NEDD4L: variants seen among roughly 807,000 people sequenced by gnomAD.
NEDD4L encodes the protein E3 ubiquitin-protein ligase NEDD4-like.
In NEDD4L, 54 loss-of-function variants were observed where a neutral mutation model predicts 148.9. That is an observed-to-expected ratio of 0.36 (90% CI 0.29 to 0.45). The LOEUF (loss-of-function observed/expected upper bound fraction) is 0.45. Ranked by LOEUF, NEDD4L falls within the 20% of genes least tolerant of loss-of-function variation. The pLI is 1.00. For missense variants in NEDD4L, 856 were observed against 1,233.8 expected, an observed-to-expected ratio of 0.69 and a Z score of 4.59; for synonymous variants, 433 against 440.7, an observed-to-expected ratio of 0.98 and a Z score of 0.22.
chr18:58,142,538 A>G (rs991763389), intron 1 of NEDD4L, among the ~76,000 whole-genome samples: 2 of 152,238 alleles, frequency 1.3e-5, no homozygotes, highest in African/African-American at 4.8e-5. Context: ...AACATGTTCC[A>G]GACCTCAGAG....
At chr18:58,134,041 C>T (rs1003437397) in intron 1 of NEDD4L, among the ~76,000 whole-genome samples, 1 of 152,150 alleles carries the variant, frequency 6.6e-6, no homozygotes, top group African/African-American at 2.4e-5. Context: ...TGTTCACTGG[C>T]CCAGGCTGGA....
At chr18:58,293,233 G>C (rs1019811205) in intron 5 of NEDD4L, among the ~76,000 whole-genome samples, 3 of 152,172 alleles carry the variant, frequency 2.0e-5, no homozygotes, top group Non-Finnish European at 4.4e-5. Context: ...TTCTTCAGGT[G>C]GGGGGATAAT....
intron 2 of NEDD4L, among the ~76,000 whole-genome samples, chr18:58,243,317 T>A (rs561334613): frequency 6.6e-6 from 1 of 152,342 alleles, no homozygotes; most frequent in East Asian, 1.9e-4. Context: ...GGTAACATGA[T>A]CATCAGGCCT....
At chr18:58,109,572 G>T (rs112867783) in intron 1 of NEDD4L, among the ~76,000 whole-genome samples, 29,104 of 117,528 alleles carry the variant, frequency 0.25, 4,065 homozygotes, top group African/African-American at 0.34. Flanking sequence ...TTTTTTTTTT[G>T]TTTTTTTTTT....
intron 2 of NEDD4L, among the ~76,000 whole-genome samples, chr18:58,203,102 G>C (rs1320798696): frequency 6.6e-6 from 1 of 151,950 alleles, no homozygotes; most frequent in Non-Finnish European, 1.5e-5. Flanking sequence ...TGAGTAGCTG[G>C]GACTACAGGC....
intron 1 of NEDD4L, among the ~76,000 whole-genome samples, chr18:58,075,301 C>T (rs1405995546): frequency 6.6e-6 from 1 of 152,196 alleles, no homozygotes; most frequent in East Asian, 1.9e-4. Context: ...CAGGCGCACA[C>T]CACCATGCCC....
chr18:58,314,488 A>G (rs2058055451), intron 5 of NEDD4L: 1 of 152,030 alleles, frequency 6.6e-6, no homozygotes, highest in Non-Finnish European at 1.5e-5. Flanking sequence ...TTCCTTGTGT[A>G]ACTGTCATTG....
intron 30 of NEDD4L, 103 bp downstream of exon 30, chr18:58,391,662 G>GC: frequency 3.9e-6 from 3 of 775,156 alleles, no homozygotes; most frequent in Non-Finnish European, 6.4e-6. Flanking sequence ...CTGTCTGTAA[G>GC]TAGCTTAGAG....
chr18:58,215,056 T>G (rs1351136044), intron 2 of NEDD4L, among the ~76,000 whole-genome samples: 2 of 152,074 alleles, frequency 1.3e-5, no homozygotes, highest in Non-Finnish European at 2.9e-5. Flanking sequence ...AAGTGATCCG[T>G]CTGCCTTGGC....
intron 22 of NEDD4L, among the ~76,000 whole-genome samples, chr18:58,368,987 CT>C (rs1325566410): frequency 6.6e-6 from 1 of 152,216 alleles, no homozygotes; most frequent in African/African-American, 2.4e-5. Flanking sequence ...TTAATACCCT[CT>C]CTAACAGGGG....
At chr18:58,277,358 A>T (rs2052284691) in intron 5 of NEDD4L, among the ~76,000 whole-genome samples, 1 of 152,194 alleles carries the variant, frequency 6.6e-6, no homozygotes, top group South Asian at 2.1e-4. Flanking sequence ...CTTGCATGTC[A>T]GGAGCTCTCT....
intron 9 of NEDD4L, 54 bp from the exon 10 acceptor site, chr18:58,328,941 G>C (rs753672218): frequency 4.0e-5 from 64 of 1,609,482 alleles, no homozygotes; most frequent in African/African-American, 6.7e-5. Flanking sequence ...TGTCATGAAG[G>C]GCCCGATCTC....
intron 5 of NEDD4L, among the ~76,000 whole-genome samples, chr18:58,305,371 A>G (rs2056942910): frequency 6.6e-6 from 1 of 152,188 alleles, no homozygotes. Context: ...TCACACCTAC[A>G]ACTGAGCCCC....
At chr18:58,356,056 G>A (rs111723037) in intron 18 of NEDD4L, among the ~76,000 whole-genome samples, 45 of 152,048 alleles carry the variant, frequency 3.0e-4, no homozygotes, top group African/African-American at 9.9e-4. Context: ...GGGCTCAAGC[G>A]ATCTTCCCAC....
At chr18:58,071,732 C>A (rs1023725284) in intron 1 of NEDD4L, among the ~76,000 whole-genome samples, 8 of 152,242 alleles carry the variant, frequency 5.3e-5, no homozygotes, top group African/African-American at 1.7e-4. Flanking sequence ...TACAGTTCCA[C>A]ATGGCTGGGG....
rs148273729 is a variant in NEDD4L at position 58,110,810 on chromosome 18, A to G, written c.49-54978A>G. Among the ~76,000 whole-genome samples, 501 of 152,290 alleles carry G rather than the reference A, an allele frequency of 3.3e-3. 5 individuals carry two copies. The highest frequency in any genetic ancestry group is 0.011 in the African/African-American group (455 of 41,554). On this transcript the variant is annotated intron_variant, in intron 1 of 30. Transcript: ENST00000400345. Reference sequence around the variant, plus strand: ...AGTTTTGAACTTACCCTTTTTCAGTATATGCCTGTGCATGTGTATGCCTTT... The same window carrying G: ...AGTTTTGAACTTACCCTTTTTCAGTGTATGCCTGTGCATGTGTATGCCTTT...
chr18:58,298,596 C>A (rs1043543290), intron 5 of NEDD4L, among the ~76,000 whole-genome samples: 1 of 152,126 alleles, frequency 6.6e-6, no homozygotes, highest in Admixed American at 6.5e-5. Context: ...TTGTCTTTTC[C>A]TTCTCTCTCC....
Position 58,396,622 on chromosome 18 carries a change from A to G in NEDD4L, c.*353A>G, listed in dbSNP as rs1341204457. 6.3e-6 allele frequency: 1 copy of G among 158,784 alleles called. No individual in the cohort carries two copies. Among genetic ancestry groups the G allele is most frequent in the Non-Finnish European group, 1.4e-5 (1 of 72,242 alleles). 9.8% of individuals were successfully genotyped at this position (158,784 alleles called of 1,614,324 possible). A position where few individuals can be genotyped will look rare whatever the true frequency, so the allele number is the denominator to read the frequency against. On this transcript the variant is annotated 3_prime_UTR_variant, in exon 31 of 31. Coordinates refer to ENST00000400345, the MANE Select transcript of NEDD4L (RefSeq NM_001144967.3). ...ATCACTCAACAGGTATAGTATTACG[A>G]CTCATGTTTACTTTTTAAAATGATT...
chr18:58,361,744 A>G (rs2045516904), intron 19 of NEDD4L, among the ~76,000 whole-genome samples: 1 of 152,246 alleles, frequency 6.6e-6, no homozygotes. Context: ...CAAAACAGGA[A>G]CACAGATTTA....
Sources: gnomAD v4.1 joint callset for allele counts (sites outside exome capture counted in the v4.1 genomes callset) on GRCh38, gnomAD v4.1.1 for gene constraint, MANE v1.5 for transcripts, NCBI Gene and HGNC (gene_info 2026-07-23, HGNC 2026-07-21) for gene names.